The following AMPD2 variants were observed in gnomAD, a reference collection of about 807,000 sequenced individuals.
AMPD2 encodes AMP deaminase 2.
Under a neutral mutation model 91.3 loss-of-function variants are expected in AMPD2, and 52 were observed. The ratio of observed to expected loss-of-function variants is 0.57; its 90% CI spans 0.46 to 0.72. AMPD2 has a LOEUF of 0.72. Ranked by LOEUF, AMPD2 falls within the 30% of genes least tolerant of loss-of-function variation. AMPD2 has a pLI of 0.00. For synonymous variants in AMPD2, 455 were observed against 456.4 expected, an observed-to-expected ratio of 1.00 and a Z score of 0.04; for missense variants, 822 against 1,122.3, an observed-to-expected ratio of 0.73 and a Z score of 3.82.
At position 109,627,392 on chromosome 1, in the gene AMPD2, G is replaced by A. The variant is rs879159729; in HGVS notation, c.861-37G>A. The A allele has an allele frequency of 1.9e-5, 31 of 1,613,856 alleles. No individual in the cohort carries two copies. In the Admixed American group the frequency reaches 3.2e-4, roughly 16 times the overall value. ...TGGCTTGGGAGAGGCCACAGGGCTC[G>A]GCTTGCTCTCCTCACCCAAGCTCCC... is the stretch of plus-strand genomic sequence containing the variant. On this transcript the variant is annotated intron_variant, in intron 8 of 18. Transcript: ENST00000528667.
chr1:109,631,215 G>A lies in AMPD2; in HGVS notation c.*63G>A, dbSNP rs186513447. On this transcript the variant is annotated 3_prime_UTR_variant, in exon 19 of 19. Coordinates refer to ENST00000528667, the MANE Select transcript of AMPD2 (RefSeq NM_001368809.2). ...TTACCACGTTTTGTCCTCAGACCCC[G>A]CCCATGCTGTGTGGTCTCTGCATGT... 1.9e-5 allele frequency: 28 copies of A among 1,451,900 alleles called. No individual in the cohort carries two copies. The highest frequency in any genetic ancestry group is 7.4e-5 in the East Asian group (3 of 40,392). The allele number at this position is 1,451,900 out of a possible 1,614,324, so 89.9% of individuals were successfully genotyped here. A position where few individuals can be genotyped will look rare whatever the true frequency, so the allele number is the denominator to read the frequency against.
chr1:109,628,975 G>C lies in AMPD2; in HGVS notation c.1572-134G>C, dbSNP rs1215811707. The C allele has an allele frequency of 2.8e-6, 4 of 1,447,148 alleles. No homozygotes were observed. Among genetic ancestry groups the C allele is most frequent in the Non-Finnish European group, 3.7e-6 (4 of 1,081,372 alleles). The allele number at this position is 1,447,148 out of a possible 1,614,324, so 89.6% of individuals were successfully genotyped here. Reference sequence around the variant, plus strand: ...ATGGTCTGTCCAGCCTGGCCCACCTGGGTATCCTTGCTTTCCCAATATGGT... The same window carrying C: ...ATGGTCTGTCCAGCCTGGCCCACCTCGGTATCCTTGCTTTCCCAATATGGT... On this transcript the variant is annotated intron_variant, in intron 13 of 18. Transcript: ENST00000528667. The surrounding 1 kb of genome is among the most constrained non-coding windows in gnomAD (Gnocchi z 7.1).
intron 2 of AMPD2, among the ~76,000 whole-genome samples, chr1:109,623,467 G>C (rs1650413336): frequency 6.6e-6 from 1 of 152,116 alleles, no homozygotes; most frequent in Non-Finnish European, 1.5e-5. Flanking sequence ...GAGCAGCTGG[G>C]CAGCGGGGAA....
intron 4 of AMPD2, 25 bp from the exon 5 acceptor site, chr1:109,626,135 G>A: frequency 6.2e-7 from 1 of 1,613,866 alleles, no homozygotes; most frequent in Non-Finnish European, 8.5e-7. Flanking sequence ...GGATCTGCCT[G>A]ACTTCTCACC....
Position 109,631,187 on chromosome 1 carries a change from C to T in AMPD2, c.*35C>T, listed in dbSNP as rs770369817. ...ATGAAGTGCCCACCACATCGCAGCA[C>T]TTTTACCACGTTTTGTCCTCAGACC... On this transcript the variant is annotated 3_prime_UTR_variant, in exon 19 of 19. Coordinates refer to ENST00000528667, the MANE Select transcript of AMPD2 (RefSeq NM_001368809.2). 95 of 1,546,558 alleles carry T rather than the reference C, an allele frequency of 6.1e-5. No homozygotes were observed. The highest frequency in any genetic ancestry group is 8.1e-5 in the Non-Finnish European group (92 of 1,141,396).
intron 6 of AMPD2, 124 bp from the exon 7 acceptor site, chr1:109,626,602 C>G: frequency 7.2e-7 from 1 of 1,390,580 alleles, no homozygotes; most frequent in South Asian, 1.4e-5. Flanking sequence ...CCAGGGTGAT[C>G]TGAGTGTTCC....
At position 109,627,872 on chromosome 1, in the gene AMPD2, T is replaced by C; in HGVS notation, c.1049T>C (p.Val350Ala). 6.2e-7 allele frequency: 1 copy of C among 1,613,848 alleles called. No homozygotes were observed. Among genetic ancestry groups the C allele is most frequent in the Non-Finnish European group, 8.5e-7 (1 of 1,179,954 alleles). Residue 350 changes from valine (V) to alanine (A), a missense_variant, in exon 10 of 19, where the codon GTG becomes GCG. Val to Ala is a moderately conservative substitution (Grantham distance 64). Transcript: ENST00000528667. Reference sequence around the variant, plus strand: ...AAGGAGCTGGCCGCCCAGAAGAAAGTGCCACACCGAGATTTCTACAACATC... The same window carrying C: ...AAGGAGCTGGCCGCCCAGAAGAAAGCGCCACACCGAGATTTCTACAACATC... ...EMKELAAQKK[V>A]PHRDFYNIRK... is the part of the protein sequence containing the mutation.
At position 109,631,177 on chromosome 1, in the gene AMPD2, C is replaced by T. The variant is rs375887683; in HGVS notation, c.*25C>T. 1.3e-6 allele frequency: 2 copies of T among 1,552,912 alleles called. No homozygotes were observed. The highest frequency in any genetic ancestry group is 2.7e-5 in the African/African-American group (2 of 73,186). On this transcript the variant is annotated 3_prime_UTR_variant, in exon 19 of 19. Coordinates refer to ENST00000528667, the MANE Select transcript of AMPD2 (RefSeq NM_001368809.2). ...AGCCTGGTCCATGAAGTGCCCACCACATCGCAGCACTTTTACCACGTTTTG... is the reference window on the plus strand; with the variant it reads ...AGCCTGGTCCATGAAGTGCCCACCATATCGCAGCACTTTTACCACGTTTTG...
At chr1:109,630,061 C>T in intron 16 of AMPD2, 145 bp downstream of exon 16, 1 of 1,415,804 alleles carries the variant, frequency 7.1e-7, no homozygotes. Context: ...CCCACCCCAG[C>T]CTTCAGCCTG....
chr1:109,620,091 TC>T lies in AMPD2; in HGVS notation c.-448del. Reference sequence around the variant, plus strand: ...CTGCCGAGGTCTGCGGGAGTCCACCTCCGGCCAGCTGGCAATTTTGAAAGAC... The same window carrying T: ...CTGCCGAGGTCTGCGGGAGTCCACCTCGGCCAGCTGGCAATTTTGAAAGAC... On this transcript the variant is annotated 5_prime_UTR_variant, in exon 1 of 19. Coordinates refer to ENST00000528667, the MANE Select transcript of AMPD2 (RefSeq NM_001368809.2). 2.4e-6 allele frequency: 2 copies of T among 845,458 alleles called. No individual in the cohort carries two copies. Among genetic ancestry groups the T allele is most frequent in the Non-Finnish European group, 3.7e-6 (2 of 535,298 alleles). 52.4% of individuals were successfully genotyped at this position (845,458 alleles called of 1,614,324 possible).
intron 15 of AMPD2, 132 bp downstream of exon 15, chr1:109,629,622 C>T (rs1158671549): frequency 6.9e-7 from 1 of 1,441,542 alleles, no homozygotes; most frequent in Non-Finnish European, 9.5e-7. Context: ...CTTTCTCTGC[C>T]CTTGGAGCTA....
Position 109,620,132 on chromosome 1 carries a change from C to T in AMPD2, c.-409C>T. On this transcript the variant is annotated 5_prime_UTR_variant, in exon 1 of 19. Coordinates refer to ENST00000528667, the MANE Select transcript of AMPD2 (RefSeq NM_001368809.2). ...TTTTGAAAGACTGCCTTACTTTCCC[C>T]ATCTCAGTGCCAGGGCAGGGGCCCT... 8.1e-7 allele frequency: 1 copy of T among 1,230,532 alleles called. No homozygotes were observed. Among genetic ancestry groups the T allele is most frequent in the South Asian group, 1.2e-5 (1 of 81,982 alleles). 76.2% of individuals were successfully genotyped at this position (1,230,532 alleles called of 1,614,324 possible).
At position 109,627,848 on chromosome 1, in the gene AMPD2, A is replaced by G; in HGVS notation, c.1025A>G (p.Lys342Arg). The change falls in exon 10 of 19, where the codon AAG (lysine) becomes AGG (arginine). Residue 342 changes from lysine (K) to arginine (R), a missense_variant. Physicochemically the swap from Lys to Arg is conservative, Grantham distance 26. Coordinates refer to ENST00000528667, the MANE Select transcript of AMPD2 (RefSeq NM_001368809.2). ...FQMHVLLNEM[K>R]ELAAQKKVPH... Reference sequence around the variant, plus strand: ...ATGCATGTGCTACTCAATGAGATGAAGGAGCTGGCCGCCCAGAAGAAAGTG... The same window carrying G: ...ATGCATGTGCTACTCAATGAGATGAGGGAGCTGGCCGCCCAGAAGAAAGTG... 1 of 1,614,096 alleles carries G rather than the reference A, an allele frequency of 6.2e-7. No individual in the cohort carries two copies. The highest frequency in any genetic ancestry group is 8.5e-7 in the Non-Finnish European group (1 of 1,179,998).
chr1:109,627,941 C>T (rs1570589843), intron 10 of AMPD2, 38 bp downstream of exon 10: 2 of 1,612,776 alleles, frequency 1.2e-6, no homozygotes, highest in East Asian at 2.2e-5. Context: ...ATGTCCTCAT[C>T]CCACACCTCT....
chr1:109,619,941 A>G lies in AMPD2; in HGVS notation c.-600A>G. Reference sequence around the variant, plus strand: ...CGCGGGAGTCCGACCCTGAATGCCCAGGGAGTGTTGAGAGAAATCTGGACG... The same window carrying G: ...CGCGGGAGTCCGACCCTGAATGCCCGGGGAGTGTTGAGAGAAATCTGGACG... On this transcript the variant is annotated 5_prime_UTR_variant, in exon 1 of 19. Transcript: ENST00000528667. 2 of 400,420 alleles carry G rather than the reference A, an allele frequency of 5.0e-6. No homozygotes were observed. The highest frequency in any genetic ancestry group is 4.7e-6 in the Non-Finnish European group (1 of 211,510). The allele number at this position is 400,420 out of a possible 1,614,324, so 24.8% of individuals were successfully genotyped here.
Position 109,620,896 on chromosome 1 carries a change from C to G in AMPD2, c.-262-18C>G. ...CCCCATCTTCTTTTCTACCCACCCCCTCCCCGCCCCCCGCCAGGCCCAGCC... is the reference window on the plus strand; with the variant it reads ...CCCCATCTTCTTTTCTACCCACCCCGTCCCCGCCCCCCGCCAGGCCCAGCC... On this transcript the variant is annotated intron_variant, in intron 1 of 18. Transcript: ENST00000528667. 1 of 1,449,938 alleles carries G rather than the reference C, an allele frequency of 6.9e-7. No individual in the cohort carries two copies. The allele number at this position is 1,449,938 out of a possible 1,614,324, so 89.8% of individuals were successfully genotyped here.
intron 18 of AMPD2, 59 bp from the exon 19 acceptor site, chr1:109,630,884 G>T: frequency 6.2e-7 from 1 of 1,604,750 alleles, no homozygotes; most frequent in East Asian, 2.2e-5. Context: ...ATGGCTTGGG[G>T]TGGGGCATGA....
chr1:109,620,686 T>C, intron 1 of AMPD2: 1 of 1,206,428 alleles, frequency 8.3e-7, no homozygotes, highest in Middle Eastern at 3.4e-4. Context: ...ATGCCTGCCC[T>C]GCCCCGGGAG....
rs1211249674 is a variant in AMPD2, at chr1:109,630,349, C to G, written c.2100C>G (p.Ser700=). 1 of 1,614,006 alleles carries G rather than the reference C, an allele frequency of 6.2e-7. No individual in the cohort carries two copies. The highest frequency in any genetic ancestry group is 1.1e-5 in the South Asian group (1 of 91,082). The part of the protein sequence containing the change: ...YHRNPLPEYL[S]RGLMVSLSTD... Reference sequence around the variant, plus strand: ...GGAATCCGCTACCGGAGTACCTGTCCCGCGGCCTCATGGTCTCCCTGTCCA... The same window carrying G: ...GGAATCCGCTACCGGAGTACCTGTCGCGCGGCCTCATGGTCTCCCTGTCCA... Residue 700 remains serine (S), a synonymous_variant, in exon 17 of 19, where the codon TCC becomes TCG. Transcript: ENST00000528667.
Sources: allele counts gnomAD v4.1 joint callset (sites outside exome capture counted in the v4.1 genomes callset), GRCh38; gene constraint gnomAD v4.1.1; non-coding constraint Gnocchi (gnomAD v3.1); transcripts MANE v1.5; gene names NCBI Gene and HGNC (gene_info 2026-07-23, HGNC 2026-07-21).